Variants in DNAJC18 observed in about 807,000 individuals in gnomAD.
DNAJC18 encodes the protein DnaJ heat shock protein family (Hsp40) member C18.
DNAJC18 carries 40 observed loss-of-function variants against 48.6 expected under a neutral mutation model. That is an observed-to-expected ratio of 0.82 (90% CI 0.64 to 1.07). DNAJC18 has a LOEUF of 1.07. Ranked by LOEUF, DNAJC18 falls within the 50% of genes least tolerant of loss-of-function variation. The pLI is 0.00. For synonymous variants in DNAJC18, 135 were observed against 152.2 expected (o/e 0.89, Z 0.83); for missense variants, 340 against 427.7 (o/e 0.79, Z 1.81).
intron 7 of DNAJC18, chr5:139,418,655 G>C: frequency 2.3e-6 from 1 of 434,932 alleles, no homozygotes; most frequent in Non-Finnish European, 4.7e-6. Flanking sequence ...GAGAACATTA[G>C]GACTTTGCCG....
chr5:139,439,015 G>A lies in DNAJC18; in HGVS notation c.40+391C>T, dbSNP rs1750737687. Among the ~76,000 whole-genome samples the A allele has an allele frequency of 6.6e-6, 1 of 152,298 alleles. No individual in the cohort carries two copies. Among genetic ancestry groups the A allele is most frequent in the African/African-American group, 2.4e-5 (1 of 41,556 alleles). ...GGCTGGTCCTGATGCCGGCTGGAGC[G>A]ACATGATCAAACAGGGACTGAAGGT... On this transcript the variant is annotated intron_variant, in intron 1 of 7. Coordinates refer to ENST00000302060, the MANE Select transcript of DNAJC18 (RefSeq NM_152686.4). This position sits in a 1 kb window ranked among gnomAD's most constrained non-coding sequence, Gnocchi z 4.1.
In DNAJC18 at chr5:139,428,665, A is replaced by G. The variant is rs1393111721; in HGVS notation, c.246T>C (p.Asn82=). ...LGVQRIKKCR[N]YYEILGVSRD... ...GAGAAACTCCCAGAATTTCATAGTA[A>G]TTTCTGCATTTCTTGATCCTAAAAA... The change falls in exon 3 of 8, where the codon AAT becomes AAC. Residue 82 remains asparagine (N), a synonymous_variant. Transcript: ENST00000302060. 2 of 1,611,200 alleles carry G rather than the reference A, an allele frequency of 1.2e-6. No homozygotes were observed. The highest frequency in any genetic ancestry group is 1.7e-6 in the Non-Finnish European group (2 of 1,179,312).
chr5:139,426,538 C>G (rs767980607), intron 3 of DNAJC18, among the ~76,000 whole-genome samples, 181 bp from the exon 4 acceptor site: 1 of 152,108 alleles, frequency 6.6e-6, no homozygotes, highest in Non-Finnish European at 1.5e-5. Flanking sequence ...TTTCCCTGAT[C>G]GCCAGAAACA....
chr5:139,415,888 T>C (rs1759062786), intron 7 of DNAJC18, among the ~76,000 whole-genome samples: 1 of 152,228 alleles, frequency 6.6e-6, no homozygotes, highest in African/African-American at 2.4e-5. Flanking sequence ...CTTCATTCCC[T>C]GAAATCTTGT....
chr5:139,428,398 G>A, intron 3 of DNAJC18, 140 bp downstream of exon 3: 1 of 1,171,712 alleles, frequency 8.5e-7, no homozygotes, highest in Non-Finnish European at 1.2e-6. Context: ...GAGCTATGCT[G>A]ATTATCACTA....
At position 139,435,705 on chromosome 5, in the gene DNAJC18, G is replaced by GTTTTTTTTTTTTTTTTTTTTTTTTTTTT. The variant is rs377125785; in HGVS notation, c.227+1666_227+1667insAAAAAAAAAAAAAAAAAAAAAAAAAAAA. ...GGGCCTGGACTTTTCTTCATTGGAAGTTTTTTTTTTTTTTTTTTTTTTTTT... is the reference window on the plus strand; with the variant it reads ...GGGCCTGGACTTTTCTTCATTGGAAGTTTTTTTTTTTTTTTTTTTTTTTTTTTTTTTTTTTTTTTTTTTTTTTTTTTTT... On this transcript the variant is annotated intron_variant, in intron 2 of 7. Transcript: ENST00000302060. Among the ~76,000 whole-genome samples the GTTTTTTTTTTTTTTTTTTTTTTTTTTTT allele has an allele frequency of 7.8e-4, 32 of 41,192 alleles. 9 individuals are homozygous for GTTTTTTTTTTTTTTTTTTTTTTTTTTTT. Among genetic ancestry groups the GTTTTTTTTTTTTTTTTTTTTTTTTTTTT allele is most frequent in the Admixed American group, 9.4e-4 (2 of 2,118 alleles). The allele number at this position is 41,192 out of a possible 152,430, so 27.0% of individuals were successfully genotyped here.
intron 2 of DNAJC18, among the ~76,000 whole-genome samples, chr5:139,429,080 C>CTTTTTTTTTTT (rs559935676): frequency 8.7e-6 from 1 of 114,586 alleles, no homozygotes. Flanking sequence ...GTATTTTTTG[C>CTTTTTTTTTTT]TTTTTTTTTT....
In DNAJC18 at chr5:139,435,705, GTTTTTTTTTTT is replaced by G. The variant is rs377125785; in HGVS notation, c.227+1656_227+1666del. On this transcript the variant is annotated intron_variant, in intron 2 of 7. Transcript: ENST00000302060. The stretch of plus-strand genomic sequence containing the variant: ...GGGCCTGGACTTTTCTTCATTGGAA[GTTTTTTTTTTT>G]TTTTTTTTTTTTTTTTCAGACAAGG... 3.6e-4 allele frequency among the ~76,000 whole-genome samples: 15 copies of G among 41,192 alleles called. No homozygotes were observed. The East Asian group carries it at 8.1e-3, about 22-fold the overall frequency. 27.0% of individuals were successfully genotyped at this position (41,192 alleles called of 152,430 possible).
intron 7 of DNAJC18, among the ~76,000 whole-genome samples, chr5:139,418,219 G>A (rs1759098459): frequency 6.6e-6 from 1 of 152,144 alleles, no homozygotes; most frequent in Non-Finnish European, 1.5e-5. Flanking sequence ...GGCCCAGGCT[G>A]GAGTGCAGTG....
intron 7 of DNAJC18, 38 bp downstream of exon 7, chr5:139,420,015 C>A: frequency 2.7e-6 from 4 of 1,504,894 alleles, no homozygotes; most frequent in South Asian, 1.4e-5. Context: ...TGCTGGGAAC[C>A]ACAGCCACCA....
chr5:139,415,726 G>A (rs1433853825), intron 7 of DNAJC18, among the ~76,000 whole-genome samples: 1 of 152,214 alleles, frequency 6.6e-6, no homozygotes, highest in African/African-American at 2.4e-5. Context: ...TTTGGCATGT[G>A]GGTAACCTTG....
chr5:139,422,858 T>A, intron 5 of DNAJC18, 41 bp from the exon 6 acceptor site: 9 of 709,366 alleles, frequency 1.3e-5, no homozygotes, highest in South Asian at 2.6e-5. Flanking sequence ...GTAAGTGTTC[T>A]TTTTTTTTTT....
At chr5:139,415,383 A>T (rs1338695519) in intron 7 of DNAJC18, among the ~76,000 whole-genome samples, 3 of 152,128 alleles carry the variant, frequency 2.0e-5, no homozygotes, top group African/African-American at 7.2e-5. Context: ...GATGCTATTT[A>T]CCCCCAAGTA....
chr5:139,420,717 C>A (rs772498392), intron 6 of DNAJC18, among the ~76,000 whole-genome samples: 2 of 151,662 alleles, frequency 1.3e-5, no homozygotes, highest in Non-Finnish European at 2.9e-5. Context: ...CTGAGAACTG[C>A]AAGAAACTCA....
intron 4 of DNAJC18, 77 bp downstream of exon 4, chr5:139,426,095 C>T: frequency 6.8e-7 from 1 of 1,477,082 alleles, no homozygotes; most frequent in Non-Finnish European, 9.2e-7. Context: ...TACCTCTATT[C>T]AGATTTTCAA....
chr5:139,411,725 T>C lies in DNAJC18; in HGVS notation c.*2423A>G, dbSNP rs1337681580. On this transcript the variant is annotated 3_prime_UTR_variant, in exon 8 of 8. Coordinates refer to ENST00000302060, the MANE Select transcript of DNAJC18 (RefSeq NM_152686.4). ...AACAGACAATCAGCGTGACATTTAA[T>C]GGAGTTAGTTATTATTGCTTCTATT... 1 of 152,228 alleles carries C rather than the reference T, an allele frequency of 6.6e-6. No individual in the cohort carries two copies. Among genetic ancestry groups the C allele is most frequent in the Non-Finnish European group, 1.5e-5 (1 of 68,040 alleles). The allele number at this position is 152,228 out of a possible 1,614,324, so 9.4% of individuals were successfully genotyped here. A position where few individuals can be genotyped will look rare whatever the true frequency, so the allele number is the denominator to read the frequency against.
rs1466983257 is a variant in DNAJC18 at position 139,414,056 on chromosome 5, A to C, written c.*92T>G. ...GAAGTTAGCAAATAGTAAAGTGTTC[A>C]TCATTACCTAGTTTTGTATTATAAA... On this transcript the variant is annotated 3_prime_UTR_variant, in exon 8 of 8. Coordinates refer to ENST00000302060, the MANE Select transcript of DNAJC18 (RefSeq NM_152686.4). The C allele has an allele frequency of 3.3e-6, 5 of 1,520,826 alleles. No individual in the cohort carries two copies. The highest frequency in any genetic ancestry group is 4.4e-6 in the Non-Finnish European group (5 of 1,134,536). 94.2% of individuals were successfully genotyped at this position (1,520,826 alleles called of 1,614,324 possible).
At chr5:139,428,077 G>C (rs530812565) in intron 3 of DNAJC18, among the ~76,000 whole-genome samples, 11 of 152,226 alleles carry the variant, frequency 7.2e-5, no homozygotes, top group African/African-American at 2.4e-4. Flanking sequence ...GAGCCACTGC[G>C]CTCAGCCTGA....
In DNAJC18 at chr5:139,422,793, G is replaced by C; in HGVS notation, c.694C>G (p.Leu232Val). The C allele has an allele frequency of 1.9e-6, 3 of 1,606,812 alleles. No homozygotes were observed. Among genetic ancestry groups the C allele is most frequent in the Non-Finnish European group, 2.5e-6 (3 of 1,177,814 alleles). ...PQTTYSAFIQ[L>V]LPVLVIVIIS... ...ATCACAATCACAAGAACTGGAAGTA[G>C]CTGAATAAATGCAGAATATGTAGTC... The change falls in exon 6 of 8, where the codon CTA becomes GTA. Residue 232 changes from leucine to valine, a missense_variant. Coordinates refer to ENST00000302060, the MANE Select transcript of DNAJC18 (RefSeq NM_152686.4).
Sources: allele counts gnomAD v4.1 joint callset (sites outside exome capture counted in the v4.1 genomes callset), GRCh38; gene constraint gnomAD v4.1.1; non-coding constraint Gnocchi (gnomAD v3.1); transcripts MANE v1.5; gene names NCBI Gene and HGNC (gene_info 2026-07-23, HGNC 2026-07-21).